GPHN: variants seen among roughly 807,000 people sequenced by gnomAD.
GPHN encodes gephyrin.
Under a neutral mutation model 95.5 loss-of-function variants are expected in GPHN, and 17 were observed. The ratio of observed to expected loss-of-function variants is 0.18; its 90% confidence interval spans 0.12 to 0.27. GPHN has a LOEUF of 0.27. Ranked by LOEUF, GPHN falls within the 10% of genes least tolerant of loss-of-function variation. GPHN has a pLI of 1.00. For synonymous variants in GPHN, 320 were observed against 322.5 expected (o/e 0.99, Z 0.08); for missense variants, 660 against 978.1 (o/e 0.67, Z 4.34).
intron 1 of GPHN, among the ~76,000 whole-genome samples, chr14:66,618,429 C>G (rs2063143080): frequency 6.6e-6 from 1 of 152,098 alleles, no homozygotes; most frequent in African/African-American, 2.4e-5. Context: ...TCAAATTTAT[C>G]TATTGAAAAG....
At chr14:66,575,935 A>T (rs2060883780) in intron 1 of GPHN, among the ~76,000 whole-genome samples, 1 of 152,126 alleles carries the variant, frequency 6.6e-6, no homozygotes, top group African/African-American at 2.4e-5. Flanking sequence ...TTTAATCTGC[A>T]GGAGTGGGCC....
intron 9 of GPHN, among the ~76,000 whole-genome samples, chr14:67,003,384 A>G (rs536245364): frequency 6.6e-6 from 1 of 151,824 alleles, no homozygotes; most frequent in South Asian, 2.1e-4. Context: ...AAATTGACAT[A>G]TATGGATTAA....
the GPHN span, among the ~76,000 whole-genome samples, chr14:67,393,498 G>C: frequency 8.9e-4 from 136 of 152,256 alleles, no homozygotes; most frequent in African/African-American, 3.1e-3. Context: ...CCGTCACCCA[G>C]GCTGGAGTGC....
At chr14:66,976,066 A>G (rs552023051) in intron 9 of GPHN, among the ~76,000 whole-genome samples, 1 of 152,220 alleles carries the variant, frequency 6.6e-6, no homozygotes, top group Non-Finnish European at 1.5e-5. Context: ...TCCAATTAAT[A>G]CAGAATAATT....
the GPHN span, chr14:67,199,286 A>G: frequency 6.2e-7 from 1 of 1,604,056 alleles, no homozygotes; most frequent in Non-Finnish European, 8.5e-7. Flanking sequence ...GATCATGAAC[A>G]TGATCAGACT....
At chr14:67,414,684 A>G in the GPHN span, among the ~76,000 whole-genome samples, 2 of 152,384 alleles carry the variant, frequency 1.3e-5, no homozygotes, top group Admixed American at 6.5e-5. Context: ...GTGAGAATCT[A>G]TCATTAGAGA....
At chr14:66,527,400 C>CAA (rs55952354) in intron 1 of GPHN, among the ~76,000 whole-genome samples, 49 of 128,518 alleles carry the variant, frequency 3.8e-4, no homozygotes, top group Middle Eastern at 4.1e-3. Context: ...TTGATCTTTT[C>CAA]AAAAAAAAAA....
At chr14:66,611,174 G>A (rs2062763513) in intron 1 of GPHN, among the ~76,000 whole-genome samples, 1 of 152,100 alleles carries the variant, frequency 6.6e-6, no homozygotes, top group Non-Finnish European at 1.5e-5. Context: ...TCAAGAATAT[G>A]CAGGGGATTT....
chr14:67,430,410 G>A, the GPHN span, among the ~76,000 whole-genome samples: 8 of 152,190 alleles, frequency 5.3e-5, no homozygotes, highest in Non-Finnish European at 7.3e-5. Flanking sequence ...CCGGACCCAC[G>A]CCTGGTCCCC....
the GPHN span, among the ~76,000 whole-genome samples, chr14:67,580,493 G>C: frequency 2.0e-5 from 3 of 152,232 alleles, no homozygotes; most frequent in Non-Finnish European, 4.4e-5. Flanking sequence ...CAGGACAAAG[G>C]CTTCTATGGT....
the GPHN span, among the ~76,000 whole-genome samples, chr14:67,331,289 C>T: frequency 6.6e-6 from 1 of 152,200 alleles, no homozygotes; most frequent in Non-Finnish European, 1.5e-5. Context: ...ATGTGATCCA[C>T]CTACCTTGGC....
chr14:67,453,972 C>G, the GPHN span: 5 of 152,200 alleles, frequency 3.3e-5, no homozygotes, highest in African/African-American at 1.2e-4. Flanking sequence ...AAAAAGGTAT[C>G]AAGTCCTTAG....
chr14:67,595,012 C>T, the GPHN span, among the ~76,000 whole-genome samples: 1 of 152,038 alleles, frequency 6.6e-6, no homozygotes, highest in African/African-American at 2.4e-5. Flanking sequence ...TGGCAGGCAC[C>T]TGTAGTCCCA....
Position 67,111,778 on chromosome 14 carries a change from A to G in GPHN, c.1414-83A>G, listed in dbSNP as rs561914541. 4.0e-6 allele frequency: 4 copies of G among 999,342 alleles called. 1 individual carries two copies. The highest frequency in any genetic ancestry group is 3.8e-5 in the South Asian group (3 of 77,970). 61.9% of individuals were successfully genotyped at this position (999,342 alleles called of 1,614,324 possible). On this transcript the variant is annotated intron_variant, in intron 14 of 22. Coordinates refer to ENST00000478722, the MANE Select transcript of GPHN (RefSeq NM_020806.5). ...CTATATTTGTATATATCCTGGGCCTATCTGATGGTAAAAGTATCGGAGTAA... is the reference window on the plus strand; with the variant it reads ...CTATATTTGTATATATCCTGGGCCTGTCTGATGGTAAAAGTATCGGAGTAA...
intron 1 of GPHN, among the ~76,000 whole-genome samples, chr14:66,621,543 G>T (rs906636711): frequency 4.0e-5 from 6 of 150,826 alleles, no homozygotes; most frequent in Non-Finnish European, 8.8e-5. Context: ...TCCTGCCTCA[G>T]TCTCCTGAGT....
intron 1 of GPHN, among the ~76,000 whole-genome samples, chr14:66,595,581 G>C (rs1348103759): frequency 6.6e-6 from 1 of 152,174 alleles, no homozygotes. Context: ...ACTAGTTGTG[G>C]TGTGGTGGAC....
At chr14:67,590,163 G>C in the GPHN span, 48 of 1,550,544 alleles carry the variant, frequency 3.1e-5, no homozygotes, top group African/African-American at 6.0e-4. Flanking sequence ...TCCAGCCGGG[G>C]CTTGGCACTC....
the GPHN span, chr14:67,392,745 C>T: frequency 1.2e-6 from 2 of 1,614,192 alleles, no homozygotes; most frequent in Non-Finnish European, 1.7e-6. Context: ...CGGACACCCA[C>T]AGGCCTGAGG....
At chr14:67,249,872 C>T in the GPHN span, among the ~76,000 whole-genome samples, 18 of 152,140 alleles carry the variant, frequency 1.2e-4, no homozygotes, top group Non-Finnish European at 1.9e-4. Context: ...ATTCGTTTAA[C>T]GTGATTGCTT....
Sources: allele counts gnomAD v4.1 joint callset (sites outside exome capture counted in the v4.1 genomes callset), GRCh38; gene constraint gnomAD v4.1.1; transcripts MANE v1.5; gene names NCBI Gene and HGNC (gene_info 2026-07-23, HGNC 2026-07-21).